Variants in KLHL14 observed in about 807,000 individuals in gnomAD.
KLHL14 encodes kelch like family member 14.
In KLHL14, 22 loss-of-function variants were observed where a neutral mutation model predicts 64.3. The observed-to-expected ratio is 0.34, with a 90% CI of 0.24 to 0.49. KLHL14 has a LOEUF of 0.49. KLHL14 is among the 20% of genes least tolerant of loss of function. KLHL14 has a pLI of 0.99. For missense variants in KLHL14, 661 were observed against 789.0 expected, an observed-to-expected ratio of 0.84 and a Z score of 1.94; for synonymous variants, 322 against 333.4, an observed-to-expected ratio of 0.97 and a Z score of 0.37.
intron 4 of KLHL14, among the ~76,000 whole-genome samples, chr18:32,687,472 A>C (rs2049885021): frequency 6.6e-6 from 1 of 152,206 alleles, no homozygotes; most frequent in African/African-American, 2.4e-5. Context: ...GAAAAACTAA[A>C]TCAACCACAA....
intron 1 of KLHL14, among the ~76,000 whole-genome samples, chr18:32,771,411 C>T (rs557205888): frequency 3.3e-5 from 5 of 152,322 alleles, no homozygotes; most frequent in African/African-American, 9.6e-5. Flanking sequence ...GCCCTGCCCG[C>T]TTCCCCGCTT....
chr18:32,754,648 C>T (rs8089489), intron 2 of KLHL14, among the ~76,000 whole-genome samples: 78,671 of 152,066 alleles, frequency 0.52, 23,432 homozygotes, highest in Non-Finnish European at 0.67. Flanking sequence ...GAGAGGTTCC[C>T]TGTGGGGAAA....
intron 8 of KLHL14, among the ~76,000 whole-genome samples, chr18:32,675,010 T>A (rs2049804378): frequency 1.3e-5 from 2 of 152,128 alleles, no homozygotes; most frequent in Admixed American, 1.3e-4. Flanking sequence ...TTTGTGTGTG[T>A]GACTAATAAT....
chr18:32,715,518 T>TC (rs2050040885), intron 3 of KLHL14, among the ~76,000 whole-genome samples: 1 of 138,464 alleles, frequency 7.2e-6, no homozygotes, highest in Non-Finnish European at 1.6e-5. Context: ...GATTTTTTTT[T>TC]TAGTAGCTTC....
intron 3 of KLHL14, among the ~76,000 whole-genome samples, chr18:32,713,953 T>A (rs2050032475): frequency 6.6e-6 from 1 of 152,156 alleles, no homozygotes; most frequent in Non-Finnish European, 1.5e-5. Context: ...AAATTTCTTT[T>A]AAAAATCTAC....
chr18:32,758,738 G>C (rs970226193), intron 2 of KLHL14, among the ~76,000 whole-genome samples: 1 of 152,018 alleles, frequency 6.6e-6, no homozygotes, highest in Non-Finnish European at 1.5e-5. Flanking sequence ...CTGTACAATG[G>C]AATATTATTC....
intron 3 of KLHL14, among the ~76,000 whole-genome samples, chr18:32,715,051 G>A (rs1277122277): frequency 6.6e-6 from 1 of 152,020 alleles, no homozygotes; most frequent in Non-Finnish European, 1.5e-5. Flanking sequence ...AGTCCTGAAG[G>A]CACTATAAAG....
intron 4 of KLHL14, among the ~76,000 whole-genome samples, chr18:32,691,813 AT>A (rs547601362): frequency 2.0e-5 from 3 of 151,670 alleles, no homozygotes; most frequent in South Asian, 2.1e-4. Flanking sequence ...CATCCTTTTC[AT>A]TTTTTTTGTG....
intron 3 of KLHL14, chr18:32,738,130 G>A (rs1294848463): frequency 6.6e-6 from 1 of 152,142 alleles, no homozygotes; most frequent in Admixed American, 6.6e-5. Flanking sequence ...GGTCCACAGG[G>A]AATAAAAATG....
intron 3 of KLHL14, among the ~76,000 whole-genome samples, chr18:32,718,430 C>T (rs1004765917): frequency 9.9e-5 from 15 of 152,108 alleles, no homozygotes; most frequent in Admixed American, 9.8e-4. Context: ...TCCCATGCAC[C>T]TTCTGTGAGG....
chr18:32,701,252 T>C (rs1176047661), intron 3 of KLHL14, among the ~76,000 whole-genome samples: 1 of 152,092 alleles, frequency 6.6e-6, no homozygotes, highest in African/African-American at 2.4e-5. Context: ...AGGCAGACAA[T>C]ATCCCTGCTC....
rs1350480653 is a variant in KLHL14, at chr18:32,721,168, C to T, written c.1069+20760G>A. 1.3e-5 allele frequency among the ~76,000 whole-genome samples: 2 copies of T among 152,154 alleles called. 1 individual carries two copies. Among genetic ancestry groups the T allele is most frequent in the East Asian group, 3.9e-4 (2 of 5,190 alleles). The stretch of plus-strand genomic sequence containing the variant: ...TTTTTGAGCACTTCAGTAATCATGC[C>T]CTCAATTCCATGCCGCTGGACACTT... On this transcript the variant is annotated intron_variant, in intron 3 of 8. Transcript: ENST00000359358.
chr18:32,766,107 CCTTT>C (rs2050342422), intron 2 of KLHL14, among the ~76,000 whole-genome samples: 1 of 151,870 alleles, frequency 6.6e-6, no homozygotes, highest in Non-Finnish European at 1.5e-5. Context: ...CAACATTGAG[CCTTT>C]CTTTTTTCAT....
chr18:32,726,110 G>A (rs1274841491), intron 3 of KLHL14, among the ~76,000 whole-genome samples: 1 of 152,214 alleles, frequency 6.6e-6, no homozygotes, highest in African/African-American at 2.4e-5. Flanking sequence ...ACGGCCTGTT[G>A]GCCAAATCCA....
At chr18:32,742,359 G>A (rs561742034) in intron 2 of KLHL14, among the ~76,000 whole-genome samples, 48 of 152,242 alleles carry the variant, frequency 3.2e-4, no homozygotes, top group Non-Finnish European at 6.0e-4. Flanking sequence ...GAGTACACAT[G>A]AAATGCTCTG....
At chr18:32,751,253 C>T (rs568023706) in intron 2 of KLHL14, among the ~76,000 whole-genome samples, 2 of 152,150 alleles carry the variant, frequency 1.3e-5, no homozygotes, top group East Asian at 1.9e-4. Flanking sequence ...AATTTTCCAG[C>T]GAAGTAAACT....
intron 2 of KLHL14, among the ~76,000 whole-genome samples, chr18:32,768,701 T>C (rs962538914): frequency 2.0e-5 from 3 of 152,122 alleles, no homozygotes; most frequent in Non-Finnish European, 4.4e-5. Flanking sequence ...TAAAACACGA[T>C]TGTCAATTCC....
At chr18:32,719,201 G>T (rs1161310085) in intron 3 of KLHL14, among the ~76,000 whole-genome samples, 1 of 152,214 alleles carries the variant, frequency 6.6e-6, no homozygotes, top group East Asian at 1.9e-4. Context: ...GCCCACCTTG[G>T]CCTCCCAAAG....
chr18:32,750,569 C>G lies in KLHL14; in HGVS notation c.948-8520G>C, dbSNP rs1253435383. ...TGGACTTCCTACAATGGTATTGACT[C>G]AGATCTCATTCATAAAATATAATCT... is the stretch of plus-strand genomic sequence containing the variant. On this transcript the variant is annotated intron_variant, in intron 2 of 8. Coordinates refer to ENST00000359358, the MANE Select transcript of KLHL14 (RefSeq NM_020805.3). 3.9e-5 allele frequency among the ~76,000 whole-genome samples: 6 copies of G among 152,286 alleles called. No homozygotes were observed. In the East Asian group the frequency reaches 9.7e-4, roughly 25 times the overall value.
Sources: allele counts gnomAD v4.1 joint callset (sites outside exome capture counted in the v4.1 genomes callset), GRCh38; gene constraint gnomAD v4.1.1; transcripts MANE v1.5; gene names NCBI Gene and HGNC (gene_info 2026-07-23, HGNC 2026-07-21).